Variants in DOCK6 observed in about 807,000 individuals in gnomAD.
The protein encoded by DOCK6 is dedicator of cytokinesis 6.
In DOCK6, 167 loss-of-function variants were observed where a neutral mutation model predicts 230.3. The observed-to-expected ratio is 0.73, with a 90% CI of 0.64 to 0.82. DOCK6 has a LOEUF of 0.82. Ranked by LOEUF, DOCK6 falls within the 40% of genes least tolerant of loss-of-function variation. The pLI, the probability that DOCK6 is intolerant of heterozygous loss-of-function variation, is 0.00. For missense variants in DOCK6, 2,598 were observed against 2,825.8 expected (o/e 0.92, Z 1.83); for synonymous variants, 1,148 against 1,185.0 (o/e 0.97, Z 0.64).
At chr19:11,255,307 C>CTT (rs34628990) in intron 1 of DOCK6, among the ~76,000 whole-genome samples, 29 of 135,982 alleles carry the variant, frequency 2.1e-4, no homozygotes, top group East Asian at 4.4e-4. Context: ...TCCCGGCCTA[C>CTT]TTTTTTTTTT....
chr19:11,237,302 G>A lies in DOCK6; in HGVS notation c.2073+154C>T, dbSNP rs1599258040. On this transcript the variant is annotated intron_variant, in intron 18 of 47. Coordinates refer to ENST00000294618, the MANE Select transcript of DOCK6 (RefSeq NM_020812.4). ...TTGGGGAGGACATGTAGGACACAGA[G>A]AGGCATTAATAGGGGAATAATGAGC... 1.5e-5 allele frequency: 11 copies of A among 738,398 alleles called. No individual in the cohort carries two copies. The East Asian group carries it at 3.0e-4, about 20-fold the overall frequency. The allele number at this position is 738,398 out of a possible 1,614,324, so 45.7% of individuals were successfully genotyped here.
In DOCK6 at chr19:11,222,300, G is replaced by A. The variant is rs2147783152; in HGVS notation, c.3241-52C>T. 1 of 1,556,114 alleles carries A rather than the reference G, an allele frequency of 6.4e-7. No homozygotes were observed. Among genetic ancestry groups the A allele is most frequent in the Non-Finnish European group, 8.7e-7 (1 of 1,148,546 alleles). Reference sequence around the variant, plus strand: ...TGCCAGCGGTCAAGGGTCAGAGGTGGCAGGTCACCATTAAAGCCATCTTGG... The same window carrying A: ...TGCCAGCGGTCAAGGGTCAGAGGTGACAGGTCACCATTAAAGCCATCTTGG... On this transcript the variant is annotated intron_variant, in intron 26 of 47. Transcript: ENST00000294618. The surrounding 1 kb of genome is among the most constrained non-coding windows in gnomAD (Gnocchi z 4.0).
chr19:11,243,231 A>G lies in DOCK6; in HGVS notation c.1386+27T>C, dbSNP rs76073665. 6.6e-3 allele frequency: 10,706 copies of G among 1,613,356 alleles called. 581 individuals carry two copies. The African/African-American group carries it at 0.12, about 18-fold the overall frequency. On this transcript the variant is annotated intron_variant, in intron 12 of 47. Coordinates refer to ENST00000294618, the MANE Select transcript of DOCK6 (RefSeq NM_020812.4). This position sits in a 1 kb window ranked among gnomAD's most constrained non-coding sequence, Gnocchi z 6.3. ...GCTAATGCAGCCAGCGGGGAGTGGG[A>G]GAGTCCCTGGCCCCAGGGTAGGACA... is the stretch of plus-strand genomic sequence containing the variant.
chr19:11,261,337 C>T (rs954343740), intron 1 of DOCK6, among the ~76,000 whole-genome samples: 1 of 151,978 alleles, frequency 6.6e-6, no homozygotes, highest in African/African-American at 2.4e-5. Flanking sequence ...GCATCTCAAG[C>T]AGCCCCCACC....
rs566744544 is a variant in DOCK6 at position 11,216,749 on chromosome 19, TATTC to T, written c.3894+161_3894+164del. ...CTATTCACAAAGGCACTTCTGACTT[TATTC>T]CTTGCCTCAGCACAGAAACAGTCCA... On this transcript the variant is annotated intron_variant, in intron 30 of 47. Coordinates refer to ENST00000294618, the MANE Select transcript of DOCK6 (RefSeq NM_020812.4). The T allele has an allele frequency of 5.4e-4, 390 of 719,932 alleles. 8 individuals carry two copies. The South Asian group carries it at 6.9e-3, about 13-fold the overall frequency. The allele number at this position is 719,932 out of a possible 1,614,324, so 44.6% of individuals were successfully genotyped here.
chr19:11,211,855 G>C lies in DOCK6; in HGVS notation c.4672C>G (p.Leu1558Val), dbSNP rs371420052. Residue 1558 changes from leucine (L) to valine (V), a missense_variant, in exon 37 of 48, where the codon CTG becomes GTG. Physicochemically the swap from Leu to Val is conservative, Grantham distance 32. Coordinates refer to ENST00000294618, the MANE Select transcript of DOCK6 (RefSeq NM_020812.4). ...ACCGTGTCCGTCAGGATCATGTGCA[G>C]GTTGAACATCAGGTCCTGGACCTGG... Reference protein sequence around the residue: ...AEQVQDLMFNLHMILTDTVKM... With the variant: ...AEQVQDLMFNVHMILTDTVKM... 3.9e-6 allele frequency: 6 copies of C among 1,553,216 alleles called. No individual in the cohort carries two copies. Among genetic ancestry groups the C allele is most frequent in the East Asian group, 4.9e-5 (2 of 41,122 alleles).
rs371946383 is a variant in DOCK6 at position 11,241,074 on chromosome 19, G to A, written c.1643+971C>T. On this transcript the variant is annotated intron_variant, in intron 14 of 47. Coordinates refer to ENST00000294618, the MANE Select transcript of DOCK6 (RefSeq NM_020812.4). ...ACCCTGGCCAACATGGTGAAACCCC[G>A]TCTCTACTAAAAATACAAAAAATTA... Among the ~76,000 whole-genome samples the A allele has an allele frequency of 1.8e-4, 28 of 151,824 alleles. No homozygotes were observed. In the South Asian group the frequency reaches 5.2e-3, roughly 28 times the overall value.
At chr19:11,238,880 A>T (rs2079894004) in intron 14 of DOCK6, 3 of 156,288 alleles carry the variant, frequency 1.9e-5, no homozygotes, top group Admixed American at 1.9e-4. Flanking sequence ...CTTTGTAATG[A>T]TACTGATGAT....
In DOCK6 at chr19:11,200,964, T is replaced by G; in HGVS notation, c.5777A>C (p.Asp1926Ala). ...AAGCACCATCTGTAGCATCTTAGCA[T>G]CTGGTGGGTCCTGCTCGGTGGCAAA... Reference protein sequence around the residue: ...LAFATEQDPPDAKMLQMVLQG... With the variant: ...LAFATEQDPPAAKMLQMVLQG... Residue 1926 changes from aspartate (D) to alanine (A), a missense_variant, in exon 45 of 48, where the codon GAT becomes GCT. Asp to Ala is a moderately radical substitution (Grantham distance 126, BLOSUM62 -2). Transcript: ENST00000294618. This position sits in a 1 kb window ranked among gnomAD's most constrained non-coding sequence, Gnocchi z 4.3. 1 of 1,613,862 alleles carries G rather than the reference T, an allele frequency of 6.2e-7. No individual in the cohort carries two copies. The highest frequency in any genetic ancestry group is 8.5e-7 in the Non-Finnish European group (1 of 1,179,850).
intron 5 of DOCK6, 190 bp from the exon 6 acceptor site, chr19:11,251,276 C>A: frequency 1.7e-6 from 1 of 591,850 alleles, no homozygotes; most frequent in Non-Finnish European, 3.0e-6. Flanking sequence ...GAGAGCCTCC[C>A]AACTTTTACC....
chr19:11,243,189 G>A lies in DOCK6; in HGVS notation c.1387-37C>T. ...CCACTCCCGTCAGCCTGGGCCAGGG[G>A]GCTAGGGGTCCCCAGGGCTAATGCA... On this transcript the variant is annotated intron_variant, in intron 12 of 47. Coordinates refer to ENST00000294618, the MANE Select transcript of DOCK6 (RefSeq NM_020812.4). This position sits in a 1 kb window ranked among gnomAD's most constrained non-coding sequence, Gnocchi z 6.3. 3.1e-6 allele frequency: 5 copies of A among 1,613,246 alleles called. No individual in the cohort carries two copies. The highest frequency in any genetic ancestry group is 3.4e-6 in the Non-Finnish European group (4 of 1,179,266).
chr19:11,235,337 C>T (rs978594624), intron 21 of DOCK6, among the ~76,000 whole-genome samples: 2 of 152,066 alleles, frequency 1.3e-5, no homozygotes, highest in African/African-American at 2.4e-5. Context: ...GAACTCCTGA[C>T]CCCCTCAAGT....
At chr19:11,252,320 C>T in intron 4 of DOCK6, 72 bp from the exon 5 acceptor site, 1 of 1,565,782 alleles carries the variant, frequency 6.4e-7, no homozygotes, top group East Asian at 2.3e-5. Flanking sequence ...TGTTCTGACA[C>T]ACCTACATGG....
intron 37 of DOCK6, 34 bp downstream of exon 37, chr19:11,211,742 G>T (rs1307604971): frequency 6.7e-7 from 1 of 1,501,600 alleles, no homozygotes; most frequent in Admixed American, 2.0e-5. Context: ...TTGGGGCGTG[G>T]GCGTGGCTGA....
chr19:11,217,744 C>T (rs1400001599), intron 28 of DOCK6, among the ~76,000 whole-genome samples: 73 of 142,696 alleles, frequency 5.1e-4, no homozygotes, highest in Middle Eastern at 3.7e-3. Flanking sequence ...GGCAACAGAG[C>T]GACACTCTGT....
intron 28 of DOCK6, among the ~76,000 whole-genome samples, chr19:11,217,719 C>T (rs1323111740): frequency 1.4e-5 from 2 of 146,632 alleles, no homozygotes; most frequent in Non-Finnish European, 3.0e-5. Flanking sequence ...GATCGCGCCA[C>T]TGCACTCCAG....
intron 24 of DOCK6, among the ~76,000 whole-genome samples, chr19:11,225,868 T>TA (rs745740690): frequency 0.012 from 846 of 70,978 alleles, 10 homozygotes; most frequent in Non-Finnish European, 0.016. Flanking sequence ...CTGACTCTAC[T>TA]AAAAAAAAAA....
chr19:11,238,962 T>C (rs1417327843), intron 14 of DOCK6: 1 of 154,742 alleles, frequency 6.5e-6, no homozygotes, highest in Non-Finnish European at 1.4e-5. Context: ...GCGCCTACTG[T>C]GTGCCAGGCT....
chr19:11,210,128 TACCTGTCCACTCTCTC>T (rs1202661671), intron 37 of DOCK6, among the ~76,000 whole-genome samples: 11 of 122,256 alleles, frequency 9.0e-5, no homozygotes, highest in Non-Finnish European at 1.7e-4. Context: ...TCTATCCCCT[TACCTGTCCACTCTCTC>T]ACCTGTCCAC....
Sources: allele counts gnomAD v4.1 joint callset (sites outside exome capture counted in the v4.1 genomes callset), GRCh38; gene constraint gnomAD v4.1.1; non-coding constraint Gnocchi (gnomAD v3.1); transcripts MANE v1.5; gene names NCBI Gene and HGNC (gene_info 2026-07-23, HGNC 2026-07-21).